Variants in PDE8A observed in about 807,000 individuals in gnomAD.
The protein encoded by PDE8A is phosphodiesterase 8A.
In PDE8A, 59 loss-of-function variants were observed where a neutral mutation model predicts 105.0. That is an observed-to-expected ratio of 0.56 (90% CI 0.46 to 0.70). PDE8A has a LOEUF of 0.70. Ranked by LOEUF, PDE8A falls within the 30% of genes least tolerant of loss-of-function variation. The probability of loss-of-function intolerance (pLI) is 0.00; values close to 1 mark genes in which losing one functional copy is unlikely to be tolerated. For synonymous variants in PDE8A, 355 were observed against 371.9 expected (o/e 0.95, Z 0.52); for missense variants, 1,014 against 1,045.9 (o/e 0.97, Z 0.42).
chr15:85,115,873 CTG>C (rs920114879), intron 15 of PDE8A, 109 bp from the exon 16 acceptor site: 13 of 953,920 alleles, frequency 1.4e-5, no homozygotes, highest in Middle Eastern at 2.3e-4. Flanking sequence ...TGAGCTGAGA[CTG>C]TACCACAACA....
At chr15:85,075,053 A>G (rs903627821) in intron 3 of PDE8A, among the ~76,000 whole-genome samples, 2 of 152,148 alleles carry the variant, frequency 1.3e-5, no homozygotes, top group African/African-American at 2.4e-5. Flanking sequence ...CGCTTCTCCC[A>G]GTGTAGGATG....
intron 1 of PDE8A, among the ~76,000 whole-genome samples, chr15:85,043,499 C>G (rs1273616558): frequency 6.6e-6 from 1 of 152,142 alleles, no homozygotes; most frequent in Non-Finnish European, 1.5e-5. Context: ...TGGGTTATCT[C>G]TCCTATAGTT....
chr15:85,115,334 G>A (rs547340489), intron 14 of PDE8A, 105 bp from the exon 15 acceptor site: 45 of 700,994 alleles, frequency 6.4e-5, no homozygotes, highest in African/African-American at 6.2e-4. Context: ...GTGCATTGGT[G>A]GAGAGGGCTG....
intron 1 of PDE8A, among the ~76,000 whole-genome samples, chr15:85,041,042 C>CT (rs1308482090): frequency 1.3e-5 from 2 of 152,152 alleles, no homozygotes; most frequent in African/African-American, 4.8e-5. Flanking sequence ...CATATGTCCC[C>CT]TTACAGATCT....
chr15:85,077,069 A>C (rs760409610), intron 5 of PDE8A, among the ~76,000 whole-genome samples: 5 of 152,190 alleles, frequency 3.3e-5, no homozygotes, highest in African/African-American at 9.7e-5. Flanking sequence ...GTTTAACTTT[A>C]TAATCTGCTA....
intron 1 of PDE8A, among the ~76,000 whole-genome samples, chr15:85,055,550 T>G (rs1016380657): frequency 7.2e-5 from 11 of 152,252 alleles, no homozygotes; most frequent in Admixed American, 4.6e-4. Context: ...AATTGATCCC[T>G]TTACCATTAT....
Position 85,056,303 on chromosome 15 carries a change from CGAG to C in PDE8A, c.187-8063_187-8061del, listed in dbSNP as rs568801142. 1.3e-3 allele frequency among the ~76,000 whole-genome samples: 205 copies of C among 152,158 alleles called. 1 individual carries two copies. Among genetic ancestry groups the C allele is most frequent in the African/African-American group, 4.7e-3 (196 of 41,506 alleles). On this transcript the variant is annotated intron_variant, in intron 1 of 21. Coordinates refer to ENST00000394553, the MANE Select transcript of PDE8A (RefSeq NM_002605.3). ...TTACGTGTCTTGGAGTTGCTCTTCT[CGAG>C]GAGTATCTTTGTGGCGTTCTCTGTA...
intron 1 of PDE8A, among the ~76,000 whole-genome samples, chr15:84,995,947 A>G (rs1375503254): frequency 6.6e-6 from 1 of 152,006 alleles, no homozygotes; most frequent in Non-Finnish European, 1.5e-5. Flanking sequence ...AACTTACTTC[A>G]TTTATTATTT....
chr15:84,985,894 T>G (rs2079794396), intron 1 of PDE8A, among the ~76,000 whole-genome samples: 1 of 152,140 alleles, frequency 6.6e-6, no homozygotes, highest in African/African-American at 2.4e-5. Context: ...AATAATATAT[T>G]TCTACCCTGT....
intron 1 of PDE8A, among the ~76,000 whole-genome samples, chr15:85,024,573 T>C (rs2080482729): frequency 6.6e-6 from 1 of 152,084 alleles, no homozygotes; most frequent in Non-Finnish European, 1.5e-5. Context: ...TCACCCTCTA[T>C]TACTCCTACT....
At chr15:85,102,051 C>G (rs1218532533) in intron 11 of PDE8A, among the ~76,000 whole-genome samples, 1 of 152,010 alleles carries the variant, frequency 6.6e-6, no homozygotes, top group Non-Finnish European at 1.5e-5. Flanking sequence ...TAGCAAGTAG[C>G]ACAGATGTGG....
At chr15:85,099,170 G>A (rs1032824547) in intron 9 of PDE8A, among the ~76,000 whole-genome samples, 1 of 152,172 alleles carries the variant, frequency 6.6e-6, no homozygotes, top group African/African-American at 2.4e-5. Context: ...TGTGGTAAAT[G>A]CCACTTCATT....
intron 1 of PDE8A, among the ~76,000 whole-genome samples, chr15:84,989,017 C>G (rs567191448): frequency 1.3e-5 from 2 of 152,256 alleles, no homozygotes; most frequent in Middle Eastern, 6.8e-3. Context: ...GCTAAAATAC[C>G]CTTAAGCCAG....
At chr15:85,101,168 G>A (rs893583309) in intron 11 of PDE8A, among the ~76,000 whole-genome samples, 2 of 152,188 alleles carry the variant, frequency 1.3e-5, no homozygotes, top group African/African-American at 4.8e-5. Flanking sequence ...TTTAGGAAGT[G>A]GCAGAGCTAG....
In PDE8A at chr15:85,120,804, T is replaced by C. The variant is rs2082168614; in HGVS notation, c.1742T>C (p.Leu581Ser). The change falls in exon 18 of 22, where the codon TTA becomes TCA. Residue 581 changes from leucine to serine, a missense_variant. Leu to Ser is a moderately radical substitution (Grantham distance 145). Transcript: ENST00000394553. ...FLSKERIKET[L>S]DPIDEVAALI... ...AAGCTCTCTTGTTTTCAGGAAACTT[T>C]AGATCCAATTGATGAGGTCGCTGCA... is the stretch of plus-strand genomic sequence containing the variant. The C allele has an allele frequency of 6.2e-7, 1 of 1,603,048 alleles. No homozygotes were observed. The highest frequency in any genetic ancestry group is 8.5e-7 in the Non-Finnish European group (1 of 1,174,472).
chr15:84,991,032 C>T (rs2079877667), intron 1 of PDE8A, among the ~76,000 whole-genome samples: 3 of 151,816 alleles, frequency 2.0e-5, no homozygotes, highest in Admixed American at 1.3e-4. Flanking sequence ...TACTGTATTG[C>T]TGTCTTTTTA....
At chr15:84,980,845 G>C (rs141285238), upstream of PDE8A, among the ~76,000 whole-genome samples, 2 of 152,326 alleles carry the variant, frequency 1.3e-5, no homozygotes, top group Non-Finnish European at 2.9e-5. Flanking sequence ...AGAGGAGGAC[G>C]GGCGCCTGCA....
At chr15:84,987,764 A>T (rs767415290) in intron 1 of PDE8A, among the ~76,000 whole-genome samples, 1 of 152,032 alleles carries the variant, frequency 6.6e-6, no homozygotes. Context: ...GGTGTGAGCC[A>T]CCGCGCCCGG....
chr15:85,090,348 T>C (rs1860927827), intron 7 of PDE8A, among the ~76,000 whole-genome samples: 1 of 152,246 alleles, frequency 6.6e-6, no homozygotes, highest in Non-Finnish European at 1.5e-5. Flanking sequence ...GTGTTTACTA[T>C]AGTGCCCAGT....
Sources: gnomAD v4.1 joint callset for allele counts (sites outside exome capture counted in the v4.1 genomes callset) on GRCh38, gnomAD v4.1.1 for gene constraint, MANE v1.5 for transcripts, NCBI Gene and HGNC (gene_info 2026-07-23, HGNC 2026-07-21) for gene names.